SNX3: variants seen among roughly 807,000 people sequenced by gnomAD.
The protein encoded by SNX3 is sorting nexin-3.
Under a neutral mutation model 17.7 loss-of-function variants are expected in SNX3, and 5 were observed. The observed-to-expected ratio is 0.28, with a 90% CI of 0.15 to 0.59. The LOEUF is 0.59. SNX3 is among the 20% of genes least tolerant of loss of function. The pLI is 0.88. For missense variants in SNX3, 132 were observed against 206.8 expected (o/e 0.64, Z 2.22); for synonymous variants, 91 against 76.5 (o/e 1.19, Z -0.99).
At chr6:108,238,568 C>G (rs1775424800) in intron 1 of SNX3, among the ~76,000 whole-genome samples, 1 of 151,948 alleles carries the variant, frequency 6.6e-6, no homozygotes, top group Admixed American at 6.6e-5. Flanking sequence ...AATTTGAGGG[C>G]AGCCTAGGCA....
chr6:108,216,744 T>C (rs987923117), intron 2 of SNX3, among the ~76,000 whole-genome samples: 4 of 152,054 alleles, frequency 2.6e-5, no homozygotes, highest in African/African-American at 9.7e-5. Context: ...CAAAATTCAA[T>C]AGGGTAAAAA....
Position 108,223,808 on chromosome 6 carries a change from C to G in SNX3, c.163-763G>C, listed in dbSNP as rs539226913. ...TGAGCCACTGCCTGGCCCACTAGTT[C>G]TTTAAAAGTATTTACACAAGAACAC... On this transcript the variant is annotated intron_variant, in intron 1 of 3. Coordinates refer to ENST00000230085, the MANE Select transcript of SNX3 (RefSeq NM_003795.6). 2.0e-5 allele frequency among the ~76,000 whole-genome samples: 3 copies of G among 152,222 alleles called. No individual in the cohort carries two copies. The East Asian group carries it at 5.8e-4, about 29-fold the overall frequency.
At chr6:108,259,642 G>A (rs967782491) in intron 1 of SNX3, among the ~76,000 whole-genome samples, 3 of 152,280 alleles carry the variant, frequency 2.0e-5, no homozygotes, top group South Asian at 4.1e-4. Context: ...TGCTAACTAC[G>A]TAAGAATCAT....
chr6:108,238,238 T>C (rs533915134), intron 1 of SNX3, among the ~76,000 whole-genome samples: 2 of 151,960 alleles, frequency 1.3e-5, no homozygotes, highest in Non-Finnish European at 2.9e-5. Context: ...AGTTAAGAAT[T>C]ATAAGAGGAT....
chr6:108,226,744 T>C (rs1431011594), intron 1 of SNX3, among the ~76,000 whole-genome samples: 1 of 152,182 alleles, frequency 6.6e-6, no homozygotes, highest in Non-Finnish European at 1.5e-5. Context: ...GGCCCTTAAA[T>C]CCATTTTGTA....
intron 3 of SNX3, 81 bp from the exon 4 acceptor site, chr6:108,212,335 G>T: frequency 1.0e-6 from 1 of 989,634 alleles, no homozygotes; most frequent in Non-Finnish European, 1.5e-6. Context: ...AAGTTGAGAA[G>T]CATGTATAAT....
chr6:108,232,088 C>A (rs1038250904), intron 1 of SNX3, among the ~76,000 whole-genome samples: 3 of 152,102 alleles, frequency 2.0e-5, no homozygotes, highest in African/African-American at 7.2e-5. Flanking sequence ...ATTACAAGAT[C>A]CTGGGACATT....
At chr6:108,234,617 A>C (rs945711594) in intron 1 of SNX3, among the ~76,000 whole-genome samples, 1 of 152,228 alleles carries the variant, frequency 6.6e-6, no homozygotes, top group African/African-American at 2.4e-5. Context: ...GACTTATAAA[A>C]GATATCCTTA....
chr6:108,231,828 G>A (rs1387768891), intron 1 of SNX3, among the ~76,000 whole-genome samples: 1 of 152,078 alleles, frequency 6.6e-6, no homozygotes, highest in Non-Finnish European at 1.5e-5. Flanking sequence ...TTAACCATTA[G>A]GAGAGATTGC....
chr6:108,221,532 C>CTTTTTTTTTTTTTTTTTTT (rs554429322), intron 2 of SNX3, among the ~76,000 whole-genome samples: 1 of 57,744 alleles, frequency 1.7e-5, no homozygotes, highest in African/African-American at 5.4e-5. Context: ...CAGTATTACA[C>CTTTTTTTTTTTTTTTTTTT]TTTTTTTTTT....
chr6:108,240,645 T>G (rs1159309387), intron 1 of SNX3, among the ~76,000 whole-genome samples: 2 of 152,108 alleles, frequency 1.3e-5, no homozygotes, highest in African/African-American at 4.8e-5. Flanking sequence ...GGGCCACTGG[T>G]CAGGAGTAGA....
At chr6:108,233,304 T>C (rs1775226700) in intron 1 of SNX3, among the ~76,000 whole-genome samples, 2 of 152,256 alleles carry the variant, frequency 1.3e-5, no homozygotes. Flanking sequence ...AAGATTTACA[T>C]AATCCTACAG....
chr6:108,251,047 A>G (rs960351102), intron 1 of SNX3, among the ~76,000 whole-genome samples: 2 of 152,124 alleles, frequency 1.3e-5, no homozygotes, highest in African/African-American at 4.8e-5. Context: ...AAGTAAAACC[A>G]AAATAGTTTT....
Position 108,260,963 on chromosome 6 carries a change from C to G in SNX3, c.-42G>C. The G allele has an allele frequency of 6.8e-7, 1 of 1,473,732 alleles. No individual in the cohort carries two copies. Among genetic ancestry groups the G allele is most frequent in the Non-Finnish European group, 8.9e-7 (1 of 1,119,230 alleles). The allele number at this position is 1,473,732 out of a possible 1,614,324, so 91.3% of individuals were successfully genotyped here. A position where few individuals can be genotyped will look rare whatever the true frequency, so the allele number is the denominator to read the frequency against. On this transcript the variant is annotated 5_prime_UTR_variant, in exon 1 of 4. Coordinates refer to ENST00000230085, the MANE Select transcript of SNX3 (RefSeq NM_003795.6). The stretch of plus-strand genomic sequence containing the variant: ...CCGCCGCCGCGGGCTCCCTCCGCCC[C>G]CTCCGCGTTCAGCCGCCGCCGCCGC...
At chr6:108,239,110 C>T (rs1457440045) in intron 1 of SNX3, among the ~76,000 whole-genome samples, 2 of 152,218 alleles carry the variant, frequency 1.3e-5, no homozygotes, top group Middle Eastern at 3.4e-3. Flanking sequence ...GCCACATTGG[C>T]CAGGCTGTTC....
chr6:108,241,355 C>G (rs1305878683), intron 1 of SNX3, among the ~76,000 whole-genome samples: 2 of 151,808 alleles, frequency 1.3e-5, no homozygotes, highest in Non-Finnish European at 2.9e-5. Context: ...CCAACCTGCA[C>G]TGGCAAAAAG....
chr6:108,226,182 C>G (rs557775045), intron 1 of SNX3, among the ~76,000 whole-genome samples: 1 of 152,004 alleles, frequency 6.6e-6, no homozygotes, highest in African/African-American at 2.4e-5. Context: ...CAAGTGATTT[C>G]TCCTACCTCA....
intron 2 of SNX3, chr6:108,222,227 T>TA (rs1174839944): frequency 7.7e-7 from 1 of 1,304,220 alleles, no homozygotes; most frequent in Non-Finnish European, 1.0e-6. Context: ...CACACCTTTT[T>TA]ACCTACTTTC....
intron 1 of SNX3, among the ~76,000 whole-genome samples, chr6:108,257,219 TAATA>T (rs945158478): frequency 6.6e-6 from 1 of 151,922 alleles, no homozygotes; most frequent in African/African-American, 2.4e-5. Context: ...ATTTAGAAAA[TAATA>T]AATAAAATTG....
Sources: gnomAD v4.1 joint callset for allele counts (sites outside exome capture counted in the v4.1 genomes callset) on GRCh38, gnomAD v4.1.1 for gene constraint, MANE v1.5 for transcripts, NCBI Gene and HGNC (gene_info 2026-07-23, HGNC 2026-07-21) for gene names.